The following PFKFB4 variants were observed in gnomAD, a reference collection of about 807,000 sequenced individuals.
The protein encoded by PFKFB4 is 6-phosphofructo-2-kinase/fructose-2,6-biphosphatase 4.
In PFKFB4, 42 loss-of-function variants were observed where a neutral mutation model predicts 62.8. The observed-to-expected ratio is 0.67, with a 90% CI of 0.52 to 0.86. PFKFB4 has a LOEUF of 0.86. PFKFB4 is among the 40% of genes least tolerant of loss of function. The pLI is 0.00. For synonymous variants in PFKFB4, 204 were observed against 240.7 expected, an observed-to-expected ratio of 0.85 and a Z score of 1.41; for missense variants, 475 against 627.2, an observed-to-expected ratio of 0.76 and a Z score of 2.59.
upstream of PFKFB4, among the ~76,000 whole-genome samples, chr3:48,559,060 C>T (rs577145016): frequency 6.6e-6 from 1 of 152,224 alleles, no homozygotes; most frequent in South Asian, 2.1e-4. Flanking sequence ...TCCTGGGATG[C>T]TAATCAAGGG....
At chr3:48,538,403 T>G in intron 7 of PFKFB4, 95 bp downstream of exon 7, 3 of 1,493,020 alleles carry the variant, frequency 2.0e-6, no homozygotes, top group Non-Finnish European at 2.7e-6. Context: ...TTTTTGGTCC[T>G]CCAGCCACCA....
In PFKFB4 at chr3:48,525,684, C is replaced by T; in HGVS notation, c.988-15G>A. The T allele has an allele frequency of 6.9e-7, 1 of 1,452,504 alleles. No individual in the cohort carries two copies. Among genetic ancestry groups the T allele is most frequent in the Non-Finnish European group, 9.6e-7 (1 of 1,044,264 alleles). 90.0% of individuals were successfully genotyped at this position (1,452,504 alleles called of 1,614,324 possible). ...TCACAGACGCCCTAGGGAGATACCA[C>T]AGTCATCACACCTCCTACAGGCCCA... On this transcript the variant is annotated splice_polypyrimidine_tract_variant and intron_variant, in intron 9 of 13. Transcript: ENST00000232375.
upstream of PFKFB4, among the ~76,000 whole-genome samples, chr3:48,557,898 C>T (rs116176594): frequency 0.01 from 1,546 of 152,224 alleles, 22 homozygotes; most frequent in African/African-American, 0.036. Flanking sequence ...GTATCTTAAT[C>T]GTCTTTCCAG....
At chr3:48,539,387 C>T (rs1333879236) in intron 5 of PFKFB4, 77 bp from the exon 6 acceptor site, 59 of 1,245,172 alleles carry the variant, frequency 4.7e-5, no homozygotes, top group South Asian at 3.7e-5. Context: ...CCTTGCTCCT[C>T]GGAGCTCTCC....
At chr3:48,540,835 C>T (rs2042777825) in intron 4 of PFKFB4, among the ~76,000 whole-genome samples, 1 of 149,990 alleles carries the variant, frequency 6.7e-6, no homozygotes, top group African/African-American at 2.5e-5. Flanking sequence ...AGTGCAGTGG[C>T]GTGATCTCGG....
At position 48,549,939 on chromosome 3, in the gene PFKFB4, C is replaced by T. The variant is rs758988856; in HGVS notation, c.236G>A (p.Arg79His). The T allele has an allele frequency of 1.1e-5, 17 of 1,613,168 alleles. No homozygotes were observed. In the Admixed American group the frequency reaches 1.8e-4, roughly 17 times the overall value. ...TTTGTAGGTCTTGACCACGTCCCGG[C>T]GATACTGGCCAACATTGAACTCTGG... ...PTREFNVGQY[R>H]RDVVKTYKSF... is the part of the protein sequence containing the mutation. The change falls in exon 3 of 14, where the codon CGC (arginine) becomes CAC (histidine). Residue 79 changes from arginine (R) to histidine (H), a missense_variant. By Grantham distance (29) the Arg-to-His change is conservative. Transcript: ENST00000232375.
intron 1 of PFKFB4, among the ~76,000 whole-genome samples, chr3:48,551,897 C>G: frequency 6.6e-6 from 1 of 152,146 alleles, no homozygotes; most frequent in East Asian, 1.9e-4. Flanking sequence ...AGGAAGCTTC[C>G]TTTTCCTCAT....
chr3:48,536,536 C>T (rs1349003864), intron 7 of PFKFB4, 73 bp from the exon 8 acceptor site: 19 of 1,208,670 alleles, frequency 1.6e-5, no homozygotes, highest in Middle Eastern at 2.4e-4. Context: ...TGGCTAGCCA[C>T]GGAATCTAGC....
At chr3:48,558,171 G>A (rs1035460112), upstream of PFKFB4, among the ~76,000 whole-genome samples, 1 of 152,044 alleles carries the variant, frequency 6.6e-6, no homozygotes, top group African/African-American at 2.4e-5. Context: ...CAAGGAACAA[G>A]GGAGAGATCC....
chr3:48,522,053 G>A lies in PFKFB4; in HGVS notation c.1286-3C>T. The A allele has an allele frequency of 1.2e-6, 2 of 1,613,872 alleles. No homozygotes were observed. The highest frequency in any genetic ancestry group is 1.7e-6 in the Non-Finnish European group (2 of 1,179,748). On this transcript the variant is annotated splice_region_variant and splice_polypyrimidine_tract_variant and intron_variant, in intron 12 of 13. Transcript: ENST00000232375. ...GAATATGGACTCCACTTTACAACCTGCCAAAGGGAAGATGCAAATCCATCC... is the reference window on the plus strand; with the variant it reads ...GAATATGGACTCCACTTTACAACCTACCAAAGGGAAGATGCAAATCCATCC...
intron 9 of PFKFB4, among the ~76,000 whole-genome samples, chr3:48,529,871 T>C (rs2042379991): frequency 1.3e-5 from 2 of 152,008 alleles, no homozygotes; most frequent in Admixed American, 1.3e-4. Flanking sequence ...GGAAGATGGC[T>C]TGAGTCCAGG....
intron 3 of PFKFB4, 88 bp from the exon 4 acceptor site, chr3:48,543,734 CAGG>C (rs1183815365): frequency 1.0e-6 from 1 of 983,362 alleles, no homozygotes; most frequent in African/African-American, 1.6e-5. Context: ...GGAGACATGA[CAGG>C]AGAAGGAACA....
Position 48,536,255 on chromosome 3 carries a change from C to T in PFKFB4, c.840+1G>A. ...GCGCACGCAGGGACACATGCACTGA[C>T]CTCCCTGCCCCGAGGGGACAGTCCT... On this transcript the variant is annotated splice_donor_variant, in intron 8 of 13. Coordinates refer to ENST00000232375, the MANE Select transcript of PFKFB4 (RefSeq NM_004567.4). LOFTEE classifies it high-confidence loss of function. 1 of 1,612,500 alleles carries T rather than the reference C, an allele frequency of 6.2e-7. No individual in the cohort carries two copies. The highest frequency in any genetic ancestry group is 8.5e-7 in the Non-Finnish European group (1 of 1,179,214).
In PFKFB4 at chr3:48,551,519, C is replaced by CTT. The variant is rs71074260; in HGVS notation, c.98-1287_98-1286dup. 3.6e-3 allele frequency among the ~76,000 whole-genome samples: 104 copies of CTT among 29,144 alleles called. 8 individuals carry two copies. Among genetic ancestry groups the CTT allele is most frequent in the African/African-American group, 9.0e-3 (56 of 6,194 alleles). 19.1% of individuals were successfully genotyped at this position (29,144 alleles called of 152,430 possible). The stretch of plus-strand genomic sequence containing the variant: ...GGTGTGAGCCATCACCTCCAGCCTT[C>CTT]TTTTTTTTTTTTTTTTTTTTTTTTT... On this transcript the variant is annotated intron_variant, in intron 1 of 13. Coordinates refer to ENST00000232375, the MANE Select transcript of PFKFB4 (RefSeq NM_004567.4).
chr3:48,559,286 G>A (rs1422742353), upstream of PFKFB4, among the ~76,000 whole-genome samples: 2 of 152,206 alleles, frequency 1.3e-5, no homozygotes, highest in African/African-American at 2.4e-5. Context: ...GGAGATGCCT[G>A]GGGTTCCTCC....
chr3:48,544,719 A>C (rs2042909924), intron 3 of PFKFB4, among the ~76,000 whole-genome samples: 1 of 145,970 alleles, frequency 6.9e-6, no homozygotes. Context: ...GGATTGACAC[A>C]GAAGGTTTGT....
At chr3:48,529,522 G>A (rs896897844) in intron 9 of PFKFB4, among the ~76,000 whole-genome samples, 17 of 152,162 alleles carry the variant, frequency 1.1e-4, no homozygotes, top group African/African-American at 2.7e-4. Context: ...CTGAATGTTA[G>A]CATCAAATCT....
intron 3 of PFKFB4, 88 bp from the exon 4 acceptor site, chr3:48,543,734 C>T: frequency 1.0e-6 from 1 of 983,480 alleles, no homozygotes; most frequent in Non-Finnish European, 1.6e-6. Flanking sequence ...GGAGACATGA[C>T]AGGAGAAGGA....
chr3:48,550,407 G>A (rs2043103268), intron 1 of PFKFB4, among the ~76,000 whole-genome samples, 173 bp from the exon 2 acceptor site: 1 of 152,138 alleles, frequency 6.6e-6, no homozygotes, highest in Admixed American at 6.5e-5. Flanking sequence ...CTGGTTTCAA[G>A]CCACCGTTGG....
Sources: allele counts gnomAD v4.1 joint callset (sites outside exome capture counted in the v4.1 genomes callset), GRCh38; gene constraint gnomAD v4.1.1; transcripts MANE v1.5; gene names NCBI Gene and HGNC (gene_info 2026-07-23, HGNC 2026-07-21).